KLHDC8A: variants seen among roughly 807,000 people sequenced by gnomAD.
KLHDC8A encodes the protein kelch domain-containing protein 8A.
KLHDC8A carries 21 observed loss-of-function variants against 33.1 expected under a neutral mutation model. The observed-to-expected ratio is 0.64, with a 90% CI of 0.45 to 0.91. The LOEUF (loss-of-function observed/expected upper bound fraction) is 0.91. KLHDC8A is among the 40% of genes least tolerant of loss of function. The pLI, the probability that KLHDC8A is intolerant of heterozygous loss-of-function variation, is 0.00. For synonymous variants in KLHDC8A, 173 were observed against 193.5 expected (o/e 0.89, Z 0.88); for missense variants, 435 against 483.3 (o/e 0.90, Z 0.94).
In KLHDC8A at chr1:205,347,221, C is replaced by T. The variant is rs111957915; in HGVS notation, c.-189-3428G>A. 6.0e-3 allele frequency among the ~76,000 whole-genome samples: 914 copies of T among 152,290 alleles called. 7 individuals carry two copies. The highest frequency in any genetic ancestry group is 0.037 in the Middle Eastern group (11 of 294). On this transcript the variant is annotated intron_variant, in intron 1 of 5. Transcript: ENST00000367155. ...CTGAGTCATCTGTAGTTTCCATTGC[C>T]TGGGTTGAGTGCACCAAGATGGGGC...
Position 205,339,329 on chromosome 1 carries a change from T to C in KLHDC8A, c.622A>G (p.Ile208Val). 1 of 1,614,188 alleles carries C rather than the reference T, an allele frequency of 6.2e-7. No individual in the cohort carries two copies. Among genetic ancestry groups the C allele is most frequent in the Non-Finnish European group, 8.5e-7 (1 of 1,180,024 alleles). ...ETRSWTKFPN[I>V]PYKRAFSSFV... ...CTGGAGAAGGCCCGCTTATAGGGAA[T>C]GTTGGGAAACTTGGTCCAGGAGCGA... Residue 208 changes from isoleucine to valine, a missense_variant, in exon 4 of 6, where the codon ATT (isoleucine) becomes GTT (valine). Ile to Val is a conservative substitution (Grantham distance 29). Transcript: ENST00000367155. The surrounding 1 kb of genome is among the most constrained non-coding windows in gnomAD (Gnocchi z 5.1).
At chr1:205,354,745 T>C (rs1663216938) in intron 1 of KLHDC8A, among the ~76,000 whole-genome samples, 1 of 152,194 alleles carries the variant, frequency 6.6e-6, no homozygotes, top group East Asian at 1.9e-4. Context: ...ACCCAAGGAA[T>C]ATTTACTGAA....
chr1:205,343,746 T>G lies in KLHDC8A; in HGVS notation c.-142A>C. 1.1e-6 allele frequency: 1 copy of G among 897,042 alleles called. No homozygotes were observed. The highest frequency in any genetic ancestry group is 1.6e-6 in the Non-Finnish European group (1 of 612,486). The allele number at this position is 897,042 out of a possible 1,614,324, so 55.6% of individuals were successfully genotyped here. A position where few individuals can be genotyped will look rare whatever the true frequency, so the allele number is the denominator to read the frequency against. ...GACCCAGCCAGACCCCGGCCAGTGC[T>G]TCACCGTGCCCCGAGTCTCAGCGGT... On this transcript the variant is annotated 5_prime_UTR_variant, in exon 2 of 6. Transcript: ENST00000367155.
In KLHDC8A at chr1:205,339,179, A is replaced by T. The variant is rs1443119933; in HGVS notation, c.757+15T>A. The T allele has an allele frequency of 2.5e-6, 4 of 1,608,144 alleles. No homozygotes were observed. The highest frequency in any genetic ancestry group is 3.4e-6 in the Non-Finnish European group (4 of 1,175,388). ...GTGGGCAGCCAGAGCTTCCTGGGGA[A>T]GGTGACCAGCTCACCCTGTTCCATG... On this transcript the variant is annotated intron_variant, in intron 4 of 5. Transcript: ENST00000367155. This position sits in a 1 kb window ranked among gnomAD's most constrained non-coding sequence, Gnocchi z 5.1.
Position 205,356,738 on chromosome 1 carries a change from G to T in KLHDC8A, c.-395C>A, listed in dbSNP as rs574293129. Reference sequence around the variant, plus strand: ...CTGCTGCCTCTGGCTGATCGACTGGGATGCAGCCAGGCCCCTATGCACAGG... The same window carrying T: ...CTGCTGCCTCTGGCTGATCGACTGGTATGCAGCCAGGCCCCTATGCACAGG... On this transcript the variant is annotated 5_prime_UTR_variant, in exon 1 of 6. Coordinates refer to ENST00000367155, the MANE Select transcript of KLHDC8A (RefSeq NM_018203.3). 9.6e-4 allele frequency: 364 copies of T among 378,750 alleles called. No individual in the cohort carries two copies. The highest frequency in any genetic ancestry group is 1.6e-3 in the Non-Finnish European group (303 of 188,032). The allele number at this position is 378,750 out of a possible 1,614,324, so 23.5% of individuals were successfully genotyped here. A position where few individuals can be genotyped will look rare whatever the true frequency, so the allele number is the denominator to read the frequency against.
chr1:205,345,204 G>A (rs1183514495), intron 1 of KLHDC8A, among the ~76,000 whole-genome samples: 1 of 152,150 alleles, frequency 6.6e-6, no homozygotes, highest in African/African-American at 2.4e-5. Flanking sequence ...TGGAAGACCT[G>A]GGTTTGAATC....
In KLHDC8A at chr1:205,339,872, G is replaced by C; in HGVS notation, c.377-64C>G. On this transcript the variant is annotated intron_variant, in intron 2 of 5. Transcript: ENST00000367155. The surrounding 1 kb of genome is among the most constrained non-coding windows in gnomAD (Gnocchi z 5.1). ...CAGGTACAGCAAGACAGGCCCACCAGCATCTATTGCCTCCCATGGCCAGGC... is the reference window on the plus strand; with the variant it reads ...CAGGTACAGCAAGACAGGCCCACCACCATCTATTGCCTCCCATGGCCAGGC... 1 of 1,497,764 alleles carries C rather than the reference G, an allele frequency of 6.7e-7. No homozygotes were observed. Among genetic ancestry groups the C allele is most frequent in the Non-Finnish European group, 9.1e-7 (1 of 1,096,656 alleles). The allele number at this position is 1,497,764 out of a possible 1,614,324, so 92.8% of individuals were successfully genotyped here. A position where few individuals can be genotyped will look rare whatever the true frequency, so the allele number is the denominator to read the frequency against.
chr1:205,350,994 G>A (rs543231899), intron 1 of KLHDC8A, among the ~76,000 whole-genome samples: 1 of 152,184 alleles, frequency 6.6e-6, no homozygotes, highest in African/African-American at 2.4e-5. Flanking sequence ...AGAAACAGAA[G>A]GCTAAACAAA....
chr1:205,349,237 C>T (rs903896225), intron 1 of KLHDC8A, among the ~76,000 whole-genome samples: 4 of 152,166 alleles, frequency 2.6e-5, no homozygotes, highest in East Asian at 1.9e-4. Flanking sequence ...GCTGGAGTCC[C>T]GCAGAATGGC....
In KLHDC8A at chr1:205,339,139, C is replaced by G; in HGVS notation, c.757+55G>C. On this transcript the variant is annotated intron_variant, in intron 4 of 5. Coordinates refer to ENST00000367155, the MANE Select transcript of KLHDC8A (RefSeq NM_018203.3). The surrounding 1 kb of genome is among the most constrained non-coding windows in gnomAD (Gnocchi z 5.1). Reference sequence around the variant, plus strand: ...TGGAATAGGGGTAAGGGATGGGGAGCCAGCCAGAAGGGCAGTGGGCAGCCA... The same window carrying G: ...TGGAATAGGGGTAAGGGATGGGGAGGCAGCCAGAAGGGCAGTGGGCAGCCA... 6.7e-7 allele frequency: 1 copy of G among 1,481,644 alleles called. No individual in the cohort carries two copies. The highest frequency in any genetic ancestry group is 1.2e-5 in the South Asian group (1 of 86,600). 91.8% of individuals were successfully genotyped at this position (1,481,644 alleles called of 1,614,324 possible).
rs191645048 is a variant in KLHDC8A, at chr1:205,350,585, C to T, written c.-190+5948G>A. Among the ~76,000 whole-genome samples, 332 of 152,262 alleles carry T rather than the reference C, an allele frequency of 2.2e-3. 3 individuals are homozygous for T. Among genetic ancestry groups the T allele is most frequent in the African/African-American group, 7.6e-3 (314 of 41,558 alleles). On this transcript the variant is annotated intron_variant, in intron 1 of 5. Coordinates refer to ENST00000367155, the MANE Select transcript of KLHDC8A (RefSeq NM_018203.3). ...AAGGCTGCAGCAGACCACTCAGACA[C>T]GGCTCTTTAAATGCCCATTAGTAAG...
At position 205,337,521 on chromosome 1, in the gene KLHDC8A, CA is replaced by C. The variant is rs1253221383; in HGVS notation, c.930del (p.Ala311ProfsTer12). ...HPGKNKWEIL[P>X]AMPTPRCACS... ...CAGGCACAGCGGGGTGTGGGCATGG[CA>C]GGGAGGATCTCCCATTTGTTCTTCC... is the stretch of plus-strand genomic sequence containing the variant. On this transcript the variant is annotated frameshift_variant, in exon 6 of 6. Transcript: ENST00000367155. LOFTEE classifies it high-confidence loss of function. 1 of 1,613,976 alleles carries C rather than the reference CA, an allele frequency of 6.2e-7. No individual in the cohort carries two copies. Among genetic ancestry groups the C allele is most frequent in the Admixed American group, 1.7e-5 (1 of 60,014 alleles).
At chr1:205,355,425 T>C (rs1194643229) in intron 1 of KLHDC8A, among the ~76,000 whole-genome samples, 2 of 152,188 alleles carry the variant, frequency 1.3e-5, no homozygotes, top group Non-Finnish European at 2.9e-5. Flanking sequence ...AGAGTCATTT[T>C]TCCCGTTTCT....
chr1:205,338,475 C>A lies in KLHDC8A; in HGVS notation c.859+20G>T. 1 of 1,582,166 alleles carries A rather than the reference C, an allele frequency of 6.3e-7. No individual in the cohort carries two copies. Among genetic ancestry groups the A allele is most frequent in the Non-Finnish European group, 8.7e-7 (1 of 1,151,258 alleles). ...GCACCAGAACCACAATAAATTCCAG[C>A]GTGAAAGCGCCATCCTTACCAAGTC... On this transcript the variant is annotated intron_variant, in intron 5 of 5. Transcript: ENST00000367155.
chr1:205,352,959 C>T (rs1425220935), intron 1 of KLHDC8A, among the ~76,000 whole-genome samples: 1 of 152,244 alleles, frequency 6.6e-6, no homozygotes, highest in South Asian at 2.1e-4. Flanking sequence ...TAACAGCTGC[C>T]CCCCACGAGG....
chr1:205,339,258 C>A lies in KLHDC8A; in HGVS notation c.693G>T (p.Arg231=). The change falls in exon 4 of 6, where the codon CGG becomes CGT. Residue 231 remains arginine (R), a synonymous_variant. Coordinates refer to ENST00000367155, the MANE Select transcript of KLHDC8A (RefSeq NM_018203.3). The surrounding 1 kb of genome is among the most constrained non-coding windows in gnomAD (Gnocchi z 5.1). ...TGGGCTGCCGGTAGAGGCGACCTTGCCGCAGGCCTCCTAGGCTGTACAAGT... is the reference window on the plus strand; with the variant it reads ...TGGGCTGCCGGTAGAGGCGACCTTGACGCAGGCCTCCTAGGCTGTACAAGT... ...DNHLYSLGGL[R]QGRLYRQPKF... 6.2e-7 allele frequency: 1 copy of A among 1,614,160 alleles called. No individual in the cohort carries two copies. The highest frequency in any genetic ancestry group is 8.5e-7 in the Non-Finnish European group (1 of 1,180,000).
At chr1:205,350,829 ATGTGTGTGCGCGCACGCATG>A (rs1558689857) in intron 1 of KLHDC8A, among the ~76,000 whole-genome samples, 1 of 37,992 alleles carries the variant, frequency 2.6e-5, no homozygotes, top group Non-Finnish European at 6.7e-5. Flanking sequence ...GTGTGCATGC[ATGTGTGTGCGCGCACGCATG>A]TGTGTGTGCA....
Position 205,356,660 on chromosome 1 carries a change from C to A in KLHDC8A, c.-317G>T. On this transcript the variant is annotated 5_prime_UTR_variant, in exon 1 of 6. Transcript: ENST00000367155. ...CCTAGGAGCTGGCTGGGAATAGAGT[C>A]GGCAAGGTCCCCAGGGTCCCCAGGG... The A allele has an allele frequency of 2.2e-6, 1 of 450,684 alleles. No individual in the cohort carries two copies. The highest frequency in any genetic ancestry group is 4.5e-6 in the Non-Finnish European group (1 of 224,278). 27.9% of individuals were successfully genotyped at this position (450,684 alleles called of 1,614,324 possible).
intron 4 of KLHDC8A, among the ~76,000 whole-genome samples, chr1:205,338,936 GT>G (rs1180377531): frequency 6.6e-6 from 1 of 152,116 alleles, no homozygotes; most frequent in Admixed American, 6.5e-5. Context: ...CTGGTCCTGT[GT>G]GAATATTGTA....
Sources: allele counts gnomAD v4.1 joint callset (sites outside exome capture counted in the v4.1 genomes callset), GRCh38; gene constraint gnomAD v4.1.1; non-coding constraint Gnocchi (gnomAD v3.1); transcripts MANE v1.5; gene names NCBI Gene and HGNC (gene_info 2026-07-23, HGNC 2026-07-21).